ST6GALNAC3: variants seen among roughly 807,000 people sequenced by gnomAD.
ST6GALNAC3 encodes the protein alpha-N-acetylgalactosaminide alpha-2,6-sialyltransferase 3.
A neutral mutation model predicts 32.7 loss-of-function variants in ST6GALNAC3; 25 were observed. That is an observed-to-expected ratio of 0.76 (90% CI 0.56 to 1.07). The LOEUF (loss-of-function observed/expected upper bound fraction) is 1.07, where lower values mean the gene tolerates loss of function less well. ST6GALNAC3 is among the 50% of genes least tolerant of loss of function. ST6GALNAC3 has a pLI of 0.00. For synonymous variants in ST6GALNAC3, 129 were observed against 133.1 expected, an observed-to-expected ratio of 0.97 and a Z score of 0.21; for missense variants, 355 against 382.4, an observed-to-expected ratio of 0.93 and a Z score of 0.60.
intron 2 of ST6GALNAC3, among the ~76,000 whole-genome samples, chr1:76,337,495 G>A (rs574994340): frequency 6.6e-6 from 1 of 152,048 alleles, no homozygotes; most frequent in Non-Finnish European, 1.5e-5. Context: ...TCCATTCGGG[G>A]GTGTCTTCTT....
intron 1 of ST6GALNAC3, among the ~76,000 whole-genome samples, chr1:76,131,266 C>T (rs530050645): frequency 6.6e-6 from 1 of 152,174 alleles, no homozygotes; most frequent in Non-Finnish European, 1.5e-5. Context: ...CATTGGTGAT[C>T]GAGCGAAAAG....
chr1:76,308,520 A>G (rs1477211999), intron 1 of ST6GALNAC3, among the ~76,000 whole-genome samples: 1 of 152,182 alleles, frequency 6.6e-6, no homozygotes, highest in Non-Finnish European at 1.5e-5. Context: ...TGTTCTGACT[A>G]CTTCAATAAA....
intron 1 of ST6GALNAC3, among the ~76,000 whole-genome samples, chr1:76,254,552 A>G (rs1287585336): frequency 6.6e-6 from 1 of 152,128 alleles, no homozygotes; most frequent in African/African-American, 2.4e-5. Context: ...CAATGGGAAA[A>G]TGGTGAGAGA....
At chr1:76,544,343 C>T (rs893403090) in intron 3 of ST6GALNAC3, among the ~76,000 whole-genome samples, 3 of 152,054 alleles carry the variant, frequency 2.0e-5, no homozygotes, top group African/African-American at 7.2e-5. Flanking sequence ...AAGAATTCCT[C>T]TGGATGCTAT....
At chr1:76,614,667 A>C (rs1570452600) in intron 3 of ST6GALNAC3, among the ~76,000 whole-genome samples, 1 of 134,064 alleles carries the variant, frequency 7.5e-6, no homozygotes, top group Admixed American at 8.7e-5. Context: ...TGCAGTGAGC[A>C]GAGATGGCGC....
intron 1 of ST6GALNAC3, among the ~76,000 whole-genome samples, chr1:76,175,287 G>T (rs930014605): frequency 2.0e-5 from 3 of 152,108 alleles, no homozygotes; most frequent in East Asian, 3.8e-4. Flanking sequence ...TTTTTTGGGA[G>T]TACTTGTTTT....
rs369705396 is a variant in ST6GALNAC3 at position 76,515,356 on chromosome 1, T to C, written c.623+102939T>C. On this transcript the variant is annotated intron_variant, in intron 3 of 4. Coordinates refer to ENST00000328299, the MANE Select transcript of ST6GALNAC3 (RefSeq NM_152996.4). The stretch of plus-strand genomic sequence containing the variant: ...ATAGACTAGCTAAATGTTTGTTTAT[T>C]TTATCTTTAAAAAAACCAACTCTTT... 2.6e-4 allele frequency among the ~76,000 whole-genome samples: 39 copies of C among 152,274 alleles called. No individual in the cohort carries two copies. The East Asian group carries it at 5.2e-3, about 20-fold the overall frequency.
At chr1:76,620,799 A>T (rs974774097) in intron 3 of ST6GALNAC3, among the ~76,000 whole-genome samples, 3 of 152,046 alleles carry the variant, frequency 2.0e-5, no homozygotes, top group African/African-American at 4.8e-5. Context: ...GCATCCACCC[A>T]TATTGAGTGG....
Position 76,157,989 on chromosome 1 carries a change from C to T in ST6GALNAC3, c.18+83105C>T, listed in dbSNP as rs117567035. On this transcript the variant is annotated intron_variant, in intron 1 of 4. Transcript: ENST00000328299. ...TTGTAATTGGTGATGCTAGCGTCAA[C>T]CCAAGTCTCTGATGTTAAAACAGGA... 2.2e-4 allele frequency among the ~76,000 whole-genome samples: 34 copies of T among 152,322 alleles called. No homozygotes were observed. In the East Asian group the frequency reaches 6.6e-3, roughly 29 times the overall value.
At chr1:76,467,659 T>C (rs571477937) in intron 3 of ST6GALNAC3, among the ~76,000 whole-genome samples, 1 of 152,042 alleles carries the variant, frequency 6.6e-6, no homozygotes, top group Admixed American at 6.6e-5. Context: ...AGTGGTTATC[T>C]GGATGTTGGA....
intron 1 of ST6GALNAC3, among the ~76,000 whole-genome samples, chr1:76,149,805 C>T (rs1426998995): frequency 1.3e-5 from 2 of 152,278 alleles, no homozygotes; most frequent in South Asian, 4.1e-4. Context: ...CTGCAGATAC[C>T]TCTTTGAGAT....
intron 3 of ST6GALNAC3, among the ~76,000 whole-genome samples, chr1:76,485,883 A>G (rs1174068033): frequency 6.6e-6 from 1 of 152,178 alleles, no homozygotes; most frequent in Non-Finnish European, 1.5e-5. Context: ...TTCCCTCTAC[A>G]CACTGCTTTG....
rs374511373 is a variant in ST6GALNAC3 at position 76,074,907 on chromosome 1, C to G, written c.18+23C>G. 48 of 1,584,780 alleles carry G rather than the reference C, an allele frequency of 3.0e-5. No homozygotes were observed. In the African/African-American group the frequency reaches 5.8e-4, roughly 19 times the overall value. On this transcript the variant is annotated intron_variant, in intron 1 of 4. Coordinates refer to ENST00000328299, the MANE Select transcript of ST6GALNAC3 (RefSeq NM_152996.4). ...AAGGTAACGACTTGGATCTGTGGCT[C>G]GGACGCGTGGTTGGCCAGCCCCTTG...
At chr1:76,624,946 A>T (rs1278523611) in intron 3 of ST6GALNAC3, among the ~76,000 whole-genome samples, 1 of 151,998 alleles carries the variant, frequency 6.6e-6, no homozygotes, top group African/African-American at 2.4e-5. Context: ...TGCATAGAGC[A>T]TGGTACCGCA....
intron 1 of ST6GALNAC3, among the ~76,000 whole-genome samples, chr1:76,110,650 CTGTGTAGACAGAT>C (rs1647863285): frequency 6.6e-6 from 1 of 152,242 alleles, no homozygotes; most frequent in Non-Finnish European, 1.5e-5. Flanking sequence ...AAGGAGCAGG[CTGTGTAGACAGAT>C]TGCAAGTGTC....
intron 2 of ST6GALNAC3, among the ~76,000 whole-genome samples, chr1:76,365,451 G>A (rs1181629698): frequency 6.6e-6 from 1 of 152,120 alleles, no homozygotes; most frequent in African/African-American, 2.4e-5. Context: ...TAACAAACCT[G>A]CACGTTTACT....
chr1:76,128,785 G>T (rs894105368), intron 1 of ST6GALNAC3, among the ~76,000 whole-genome samples: 3 of 152,202 alleles, frequency 2.0e-5, no homozygotes, highest in Non-Finnish European at 4.4e-5. Context: ...AGGCCTCCCT[G>T]GTTCTCAGCC....
rs530774894 is a variant in ST6GALNAC3 at position 76,589,363 on chromosome 1, T to A, written c.624-38089T>A. 4.6e-5 allele frequency among the ~76,000 whole-genome samples: 7 copies of A among 152,230 alleles called. No individual in the cohort carries two copies. In the South Asian group the frequency reaches 1.5e-3, roughly 32 times the overall value. The stretch of plus-strand genomic sequence containing the variant: ...TGAACTAAATTTTACCTTCACCTTG[T>A]GCTTCCTGACATAAGTCTCATTTCT... On this transcript the variant is annotated intron_variant, in intron 3 of 4. Coordinates refer to ENST00000328299, the MANE Select transcript of ST6GALNAC3 (RefSeq NM_152996.4).
downstream of ST6GALNAC3, among the ~76,000 whole-genome samples, chr1:76,635,046 C>T (rs1454509454): frequency 6.6e-6 from 1 of 152,150 alleles, no homozygotes; most frequent in Non-Finnish European, 1.5e-5. Flanking sequence ...AAATGTTGGT[C>T]TGCCTCTGGA....
Sources: gnomAD v4.1 joint callset for allele counts (sites outside exome capture counted in the v4.1 genomes callset) on GRCh38, gnomAD v4.1.1 for gene constraint, MANE v1.5 for transcripts, NCBI Gene and HGNC (gene_info 2026-07-23, HGNC 2026-07-21) for gene names.